The following RYR2 variants were observed in gnomAD, a reference collection of about 807,000 sequenced individuals.
The protein encoded by RYR2 is cardiac muscle ryanodine receptor-calcium release channel.
In RYR2, 227 loss-of-function variants were observed where a neutral mutation model predicts 601.1. The observed-to-expected ratio is 0.38, with a 90% CI of 0.34 to 0.42. The LOEUF (loss-of-function observed/expected upper bound fraction) is 0.42. Among genes scored for constraint, RYR2 ranks in the 10% least tolerant of loss-of-function variants. The pLI is 1.00. For missense variants in RYR2, 4,646 were observed against 6,156.5 expected (o/e 0.75, Z 8.21); for synonymous variants, 2,223 against 2,175.1 (o/e 1.02, Z -0.61).
chr1:237,130,010 G>T (rs1671978400), intron 1 of RYR2, among the ~76,000 whole-genome samples: 1 of 152,152 alleles, frequency 6.6e-6, no homozygotes, highest in Non-Finnish European at 1.5e-5. Flanking sequence ...GTATGAATAA[G>T]TTGTGAATAA....
In RYR2 at chr1:237,687,146, A is replaced by G. The variant is rs1035398558; in HGVS notation, c.9018-309A>G. Among the ~76,000 whole-genome samples, 6 of 152,150 alleles carry G rather than the reference A, an allele frequency of 3.9e-5. No individual in the cohort carries two copies. In the South Asian group the frequency reaches 8.3e-4, roughly 21 times the overall value. ...CAGTAGTTATATCCTTATGGGGTTC[A>G]TATAGATTGCTTTTATATTAATTAG... On this transcript the variant is annotated intron_variant, in intron 62 of 104. Transcript: ENST00000366574.
chr1:237,057,248 T>C lies in RYR2; in HGVS notation c.48+14679T>C, dbSNP rs993780159. 1.1e-4 allele frequency among the ~76,000 whole-genome samples: 16 copies of C among 152,086 alleles called. No individual in the cohort carries two copies. The East Asian group carries it at 3.1e-3, about 29-fold the overall frequency. The stretch of plus-strand genomic sequence containing the variant: ...TCGCCCAGGCTGGAGTGCAGTGGTG[T>C]GATATCGGCTCACTGCAAGCTCCAC... On this transcript the variant is annotated intron_variant, in intron 1 of 104. Coordinates refer to ENST00000366574, the MANE Select transcript of RYR2 (RefSeq NM_001035.3).
chr1:237,412,293 C>A (rs1319336121), intron 10 of RYR2, among the ~76,000 whole-genome samples: 1 of 152,080 alleles, frequency 6.6e-6, no homozygotes, highest in Non-Finnish European at 1.5e-5. Flanking sequence ...CTTAGAATAA[C>A]CTTAAAGGGC....
chr1:237,182,928 A>C (rs1286982834), intron 1 of RYR2, among the ~76,000 whole-genome samples: 1 of 152,182 alleles, frequency 6.6e-6, no homozygotes, highest in Non-Finnish European at 1.5e-5. Flanking sequence ...GATATGATTG[A>C]ATTTATGATG....
At position 237,756,352 on chromosome 1, in the gene RYR2, C is replaced by T. The variant is rs1458694641; in HGVS notation, c.11210C>T (p.Ala3737Val). The T allele has an allele frequency of 6.2e-7, 1 of 1,613,366 alleles. No homozygotes were observed. ...QQARLHDRGA[A>V]EMVLQTISAS... ...GCCCGACTCCACGATCGTGGCGCGG[C>T]TGAGATGGTGCTACAGACAATCAGT... Residue 3737 changes from alanine to valine, a missense_variant, in exon 81 of 105, where the codon GCT becomes GTT. Physicochemically the swap from Ala to Val is moderately conservative, Grantham distance 64. Around this residue, in one of 17 missense-constraint regions of RYR2, gnomAD observed 1,497 missense variants for 1,842.6 expected, o/e 0.81. Transcript: ENST00000366574.
At chr1:237,824,164 C>G (rs951646576) in intron 101 of RYR2, among the ~76,000 whole-genome samples, 61 of 152,268 alleles carry the variant, frequency 4.0e-4, no homozygotes, top group African/African-American at 1.3e-3. Context: ...GGAATTCTCC[C>G]TAACTCATAT....
At position 237,533,685 on chromosome 1, in the gene RYR2, TA is replaced by T. The variant is rs1209784766; in HGVS notation, c.2906+3181del. Among the ~76,000 whole-genome samples the T allele has an allele frequency of 2.0e-5, 3 of 152,068 alleles. No homozygotes were observed. The East Asian group carries it at 5.8e-4, about 29-fold the overall frequency. On this transcript the variant is annotated intron_variant, in intron 25 of 104. Transcript: ENST00000366574. ...TTTGAGGCTCAAAAGCAAGTAAAAC[TA>T]AAAAATAAAAACTAAATACATATTT...
intron 66 of RYR2, among the ~76,000 whole-genome samples, chr1:237,703,287 T>G (rs1688105532): frequency 6.6e-6 from 1 of 151,860 alleles, no homozygotes; most frequent in South Asian, 2.1e-4. Flanking sequence ...GATTATCTTT[T>G]TTTTCTTTTT....
Position 237,500,851 on chromosome 1 carries a change from T to G in RYR2, c.2344T>G (p.Phe782Val). Residue 782 changes from phenylalanine to valine, a missense_variant, in exon 21 of 105, where the codon TTC becomes GTC. Phe to Val is a conservative substitution (Grantham distance 50). Around this residue, in one of 17 missense-constraint regions of RYR2, gnomAD observed 1,807 missense variants for 2,088.1 expected, o/e 0.87. Coordinates refer to ENST00000366574, the MANE Select transcript of RYR2 (RefSeq NM_001035.3). ...GQPVQGMFEN[F>V]NIDGLFFPVV... is the part of the protein sequence containing the mutation. ...ACCTGTTCAAGGAATGTTTGAGAAT[T>G]TCAACATCGATGGCCTCTTCTTTCC... is the stretch of plus-strand genomic sequence containing the variant. 2 of 1,614,022 alleles carry G rather than the reference T, an allele frequency of 1.2e-6. No homozygotes were observed. The highest frequency in any genetic ancestry group is 1.7e-6 in the Non-Finnish European group (2 of 1,179,898).
chr1:237,250,969 A>T (rs976031230), intron 1 of RYR2, among the ~76,000 whole-genome samples: 1 of 150,396 alleles, frequency 6.6e-6, no homozygotes, highest in African/African-American at 2.4e-5. Context: ...TAAAATATCA[A>T]CTCCCATTAT....
At chr1:237,044,185 G>GTT (rs4006365) in intron 1 of RYR2, among the ~76,000 whole-genome samples, 59 of 150,522 alleles carry the variant, frequency 3.9e-4, no homozygotes, top group African/African-American at 8.3e-4. Flanking sequence ...GACTATAAGG[G>GTT]TTTTTTTTTT....
At chr1:237,638,104 G>A (rs1354039140) in intron 44 of RYR2, among the ~76,000 whole-genome samples, 3 of 147,110 alleles carry the variant, frequency 2.0e-5, no homozygotes, top group Non-Finnish European at 1.5e-5. Context: ...AGAGAGAGCT[G>A]AAAAAAAAAA....
In RYR2 at chr1:237,548,157, A is replaced by G. The variant is rs2618662; in HGVS notation, c.2907-274A>G. Among the ~76,000 whole-genome samples the G allele has an allele frequency of 0.86, 130,541 of 152,218 alleles. 57,888 individuals carry two copies. The highest frequency in any genetic ancestry group is 0.96 in the South Asian group (4,645 of 4,830). Reference sequence around the variant, plus strand: ...GCCTCAGCTATTAGGAACACAAACAATGACAGGTCCTTTTCATCTCTGAGA... The same window carrying G: ...GCCTCAGCTATTAGGAACACAAACAGTGACAGGTCCTTTTCATCTCTGAGA... On this transcript the variant is annotated intron_variant, in intron 25 of 104. Transcript: ENST00000366574.
intron 5 of RYR2, among the ~76,000 whole-genome samples, chr1:237,364,603 G>C (rs897221956): frequency 6.6e-6 from 1 of 151,696 alleles, no homozygotes; most frequent in African/African-American, 2.4e-5. Flanking sequence ...GCTTTTAAAA[G>C]GTTTTTAAAA....
intron 36 of RYR2, among the ~76,000 whole-genome samples, chr1:237,613,024 G>A (rs1188925928): frequency 2.0e-5 from 3 of 152,196 alleles, no homozygotes; most frequent in Admixed American, 6.5e-5. Flanking sequence ...ATACCACACC[G>A]ATTGGTAGAG....
intron 2 of RYR2, among the ~76,000 whole-genome samples, chr1:237,328,371 A>G (rs1453931116): frequency 6.6e-6 from 1 of 152,194 alleles, no homozygotes; most frequent in East Asian, 1.9e-4. Flanking sequence ...GTATTCCTAA[A>G]TTCCAGAGTA....
intron 2 of RYR2, among the ~76,000 whole-genome samples, chr1:237,281,647 C>T (rs568535255): frequency 2.6e-5 from 4 of 152,308 alleles, no homozygotes; most frequent in South Asian, 2.1e-4. Context: ...TGCTGCATCC[C>T]GTCAGTGCAG....
intron 33 of RYR2, among the ~76,000 whole-genome samples, chr1:237,595,074 T>A (rs546492624): frequency 6.6e-5 from 10 of 151,860 alleles, no homozygotes; most frequent in African/African-American, 2.2e-4. Context: ...TGGAAATAAA[T>A]GCTTCTCATT....
chr1:237,111,522 A>C (rs1258197571), intron 1 of RYR2, among the ~76,000 whole-genome samples: 2 of 140,608 alleles, frequency 1.4e-5, no homozygotes, highest in South Asian at 2.5e-4. Flanking sequence ...TGGGAGGCGG[A>C]GGTTGCAGTG....
Sources: gnomAD v4.1 joint callset for allele counts (sites outside exome capture counted in the v4.1 genomes callset) on GRCh38, gnomAD v4.1.1 for gene constraint, gnomAD v4.1.1 regional missense constraint, MANE v1.5 for transcripts, NCBI Gene and HGNC (gene_info 2026-07-23, HGNC 2026-07-21) for gene names.